NRDE2: variants seen among roughly 807,000 people sequenced by gnomAD.
NRDE2 encodes the protein nuclear exosome regulator NRDE2.
A neutral mutation model predicts 124.2 loss-of-function variants in NRDE2; 76 were observed. The observed-to-expected ratio is 0.61, with a 90% CI of 0.51 to 0.74. The LOEUF (loss-of-function observed/expected upper bound fraction) is 0.74, where lower values mean the gene tolerates loss of function less well. Among genes scored for constraint, NRDE2 ranks in the 30% least tolerant of loss-of-function variants. The probability of loss-of-function intolerance (pLI) is 0.00; values close to 1 mark genes in which losing one functional copy is unlikely to be tolerated. For missense variants in NRDE2, 1,314 were observed against 1,417.3 expected (o/e 0.93, Z 1.17); for synonymous variants, 489 against 528.1 (o/e 0.93, Z 1.01).
At chr14:90,310,235 A>G (rs1884775899) in intron 4 of NRDE2, among the ~76,000 whole-genome samples, 1 of 152,168 alleles carries the variant, frequency 6.6e-6, no homozygotes, top group Non-Finnish European at 1.5e-5. Flanking sequence ...AAAACGTCCT[A>G]CCACACACCC....
Position 90,331,868 on chromosome 14 carries a change from C to T in NRDE2, c.37G>A (p.Ala13Thr). ...TTCCTGGAGCTCCCGCCATCGGGAG[C>T]CTCACTAAGCCCCGCAAAGGCTGGG... ...LFPAFAGLSE[A>T]PDGGSSRKEL... is the part of the protein sequence containing the mutation. Residue 13 changes from alanine (A) to threonine (T), a missense_variant, in exon 1 of 14, where the codon GCT becomes ACT. Transcript: ENST00000354366. The T allele has an allele frequency of 6.2e-7, 1 of 1,614,124 alleles. No homozygotes were observed. The highest frequency in any genetic ancestry group is 1.3e-5 in the African/African-American group (1 of 75,060).
In NRDE2 at chr14:90,288,613, T is replaced by C. The variant is rs764725562; in HGVS notation, c.2762A>G (p.Asp921Gly). 5.0e-6 allele frequency: 8 copies of C among 1,614,050 alleles called. No individual in the cohort carries two copies. The highest frequency in any genetic ancestry group is 6.8e-6 in the Non-Finnish European group (8 of 1,180,048). The change falls in exon 11 of 14, where the codon GAT becomes GGT. Residue 921 changes from aspartate (D) to glycine (G), a missense_variant. By Grantham distance (94) the Asp-to-Gly change is moderately conservative. Coordinates refer to ENST00000354366, the MANE Select transcript of NRDE2 (RefSeq NM_017970.4). The part of the protein sequence containing the change: ...MLFQYLTIGI[D>G]AAVQIYEQVF... ...CTGTTCGTATATCTGCACAGCAGCA[T>C]CAATCCCTATGGTCAAATACTGGAA...
In NRDE2 at chr14:90,268,510, C is replaced by T; in HGVS notation, c.*9826G>A. The T allele has an allele frequency of 8.1e-7, 1 of 1,241,906 alleles. No individual in the cohort carries two copies. The highest frequency in any genetic ancestry group is 1.2e-6 in the Non-Finnish European group (1 of 869,506). 76.9% of individuals were successfully genotyped at this position (1,241,906 alleles called of 1,614,324 possible). A position where few individuals can be genotyped will look rare whatever the true frequency, so the allele number is the denominator to read the frequency against. ...AATCTCAGGGGGCTCTCCCTATGGC[C>T]ACAGTTCTTGCTGTGCGTGGCCTTC... is the stretch of plus-strand genomic sequence containing the variant. On this transcript the variant is annotated 3_prime_UTR_variant, in exon 14 of 14. Transcript: ENST00000354366.
chr14:90,305,976 T>C (rs538829972), intron 4 of NRDE2, among the ~76,000 whole-genome samples: 19 of 152,334 alleles, frequency 1.2e-4, no homozygotes, highest in African/African-American at 4.6e-4. Context: ...GGGTTGTTTA[T>C]TGATCTGCAG....
At chr14:90,288,108 ACCGTG>A in intron 11 of NRDE2, 104 bp downstream of exon 11, 3 of 992,376 alleles carry the variant, frequency 3.0e-6, no homozygotes, top group Non-Finnish European at 4.5e-6. Context: ...TGTTCTGGGC[ACCGTG>A]CCATGTTCAT....
chr14:90,288,952 C>G lies in NRDE2; in HGVS notation c.2423G>C (p.Gly808Ala), dbSNP rs544254630. The part of the protein sequence containing the change: ...DARKVFDTAL[G>A]MAGSRELKDS... ...TTTCAGTTCTCTGCTTCCTGCCATG[C>G]CAAGTGCTGTGTCAAAAACTTTTCT... is the stretch of plus-strand genomic sequence containing the variant. The change falls in exon 11 of 14, where the codon GGC becomes GCC. Residue 808 changes from glycine (G) to alanine (A), a missense_variant. Physicochemically the swap from Gly to Ala is moderately conservative, Grantham distance 60 (BLOSUM62 0). Transcript: ENST00000354366. 1 of 1,612,052 alleles carries G rather than the reference C, an allele frequency of 6.2e-7. No individual in the cohort carries two copies. Among genetic ancestry groups the G allele is most frequent in the East Asian group, 2.2e-5 (1 of 44,808 alleles).
chr14:90,302,275 G>T (rs1438722053), intron 6 of NRDE2, among the ~76,000 whole-genome samples: 1 of 152,160 alleles, frequency 6.6e-6, no homozygotes, highest in South Asian at 2.1e-4. Context: ...CAAAATTAAT[G>T]TTCCAGGTTC....
At chr14:90,304,878 C>CT (rs1257340580) in intron 4 of NRDE2, among the ~76,000 whole-genome samples, 11 of 152,150 alleles carry the variant, frequency 7.2e-5, no homozygotes, top group South Asian at 4.1e-4. Context: ...GCCTAAGATT[C>CT]TTTTTTTAAT....
In NRDE2 at chr14:90,268,835, T is replaced by G. The variant is rs1891587154; in HGVS notation, c.*9501A>C. The G allele has an allele frequency of 6.1e-6, 1 of 164,970 alleles. No individual in the cohort carries two copies. The highest frequency in any genetic ancestry group is 1.3e-5 in the Non-Finnish European group (1 of 76,462). 10.2% of individuals were successfully genotyped at this position (164,970 alleles called of 1,614,324 possible). On this transcript the variant is annotated 3_prime_UTR_variant, in exon 14 of 14. Coordinates refer to ENST00000354366, the MANE Select transcript of NRDE2 (RefSeq NM_017970.4). The stretch of plus-strand genomic sequence containing the variant: ...GCTGATGGGAGCGTCTTAGTCCATT[T>G]GTGCTGCTAAACAAAATACCTTAGG...
rs757300947 is a variant in NRDE2, at chr14:90,270,233, G to A, written c.*8103C>T. On this transcript the variant is annotated 3_prime_UTR_variant, in exon 14 of 14. Transcript: ENST00000354366. ...CAGGAAGATTGAGTTCCCCCTGCCT[G>A]ATGAAAAGACGAAGAAGCGCATCTT... 9 of 1,613,720 alleles carry A rather than the reference G, an allele frequency of 5.6e-6. No individual in the cohort carries two copies. The Admixed American group carries it at 1.3e-4, about 24-fold the overall frequency.
chr14:90,302,832 C>A lies in NRDE2; in HGVS notation c.1299G>T (p.Ser433=). ...CATAAAGACTGTGAATTTTTGATAT[C>A]GAAAAGGTACTAAACTGGCTCTGGC... is the stretch of plus-strand genomic sequence containing the variant. ...LFCQSQFSTF[S]ISKIHSLYGK... The change falls in exon 6 of 14, where the codon TCG becomes TCT. Residue 433 remains serine, a synonymous_variant. Transcript: ENST00000354366. 5.6e-6 allele frequency: 9 copies of A among 1,614,060 alleles called. No individual in the cohort carries two copies. The highest frequency in any genetic ancestry group is 7.6e-6 in the Non-Finnish European group (9 of 1,180,018).
chr14:90,318,772 A>G (rs1885141808), intron 1 of NRDE2, among the ~76,000 whole-genome samples: 2 of 152,158 alleles, frequency 1.3e-5, no homozygotes, highest in Admixed American at 1.3e-4. Context: ...GCACTCCAGC[A>G]TGGATGACAG....
At position 90,288,482 on chromosome 14, in the gene NRDE2, G is replaced by A; in HGVS notation, c.2893C>T (p.His965Tyr). The A allele has an allele frequency of 6.2e-7, 1 of 1,614,174 alleles. No homozygotes were observed. Among genetic ancestry groups the A allele is most frequent in the Non-Finnish European group, 8.5e-7 (1 of 1,180,044 alleles). ...ATGTGGAATCTCAGCAGGCTCGTGT[G>A]CATCAGTGTGATGGCTTCGAGAACA... Reference protein sequence around the residue: ...TSVLEAITLMHTSLLRFHMKV... With the variant: ...TSVLEAITLMYTSLLRFHMKV... Residue 965 changes from histidine (H) to tyrosine (Y), a missense_variant, in exon 11 of 14, where the codon CAC (histidine) becomes TAC (tyrosine). Physicochemically the swap from His to Tyr is moderately conservative, Grantham distance 83. Transcript: ENST00000354366.
chr14:90,270,591 G>A lies in NRDE2; in HGVS notation c.*7745C>T. On this transcript the variant is annotated 3_prime_UTR_variant, in exon 14 of 14. Transcript: ENST00000354366. ...CCTGGAGCCACAAGGCTGAGTCGCT[G>A]GTACTAAGCCTTAGGCCCAGGTGAC... 1 of 420,606 alleles carries A rather than the reference G, an allele frequency of 2.4e-6. No individual in the cohort carries two copies. Among genetic ancestry groups the A allele is most frequent in the Non-Finnish European group, 4.2e-6 (1 of 240,926 alleles). 26.1% of individuals were successfully genotyped at this position (420,606 alleles called of 1,614,324 possible). A position where few individuals can be genotyped will look rare whatever the true frequency, so the allele number is the denominator to read the frequency against.
At chr14:90,285,219 C>T (rs989050118) in intron 12 of NRDE2, among the ~76,000 whole-genome samples, 9 of 143,976 alleles carry the variant, frequency 6.3e-5, no homozygotes, top group African/African-American at 1.6e-4. Context: ...TGCAGTGAGC[C>T]GAGATCCCAC....
At position 90,302,772 on chromosome 14, in the gene NRDE2, G is replaced by GC. The variant is rs752343521; in HGVS notation, c.1358_1359insG (p.Asp453GlufsTer35). 1.2e-6 allele frequency: 2 copies of GC among 1,613,986 alleles called. No homozygotes were observed. On this transcript the variant is annotated frameshift_variant, in exon 6 of 14. Transcript: ENST00000354366. LOFTEE classifies it high-confidence loss of function. ...ACGCAGGGTGAGATAAGATGCTGCC[G>GC]TCCTTAACAGCAGACAAAGTGCTCA... is the stretch of plus-strand genomic sequence containing the variant.
At chr14:90,281,688 T>C (rs940637353) in intron 12 of NRDE2, 1 of 152,252 alleles carries the variant, frequency 6.6e-6, no homozygotes, top group African/African-American at 2.4e-5. Flanking sequence ...TCTTAAGGCT[T>C]TTGCAAATTT....
intron 9 of NRDE2, among the ~76,000 whole-genome samples, chr14:90,290,820 G>A (rs1892254018): frequency 6.6e-6 from 1 of 151,684 alleles, no homozygotes; most frequent in African/African-American, 2.4e-5. Flanking sequence ...GCCCTGTGGT[G>A]CCATTAACAT....
At chr14:90,313,928 C>T (rs1049091264) in intron 3 of NRDE2, among the ~76,000 whole-genome samples, 3 of 152,102 alleles carry the variant, frequency 2.0e-5, no homozygotes, top group African/African-American at 7.2e-5. Context: ...TTCCTGTCTA[C>T]AAAAACCATA....
Sources: allele counts gnomAD v4.1 joint callset (sites outside exome capture counted in the v4.1 genomes callset), GRCh38; gene constraint gnomAD v4.1.1; transcripts MANE v1.5; gene names NCBI Gene and HGNC (gene_info 2026-07-23, HGNC 2026-07-21).